Variants in SORBS3 observed in about 807,000 individuals in gnomAD.
The protein encoded by SORBS3 is sorbin and SH3 domain containing 3, also known as vinexin.
In SORBS3, 69 loss-of-function variants were observed where a neutral mutation model predicts 98.0. The ratio of observed to expected loss-of-function variants is 0.70; its 90% confidence interval spans 0.58 to 0.86. The LOEUF (loss-of-function observed/expected upper bound fraction) is 0.86, where lower values mean the gene tolerates loss of function less well. Among genes scored for constraint, SORBS3 ranks in the 40% least tolerant of loss-of-function variants. SORBS3 has a pLI of 0.00. For synonymous variants in SORBS3, 394 were observed against 355.4 expected (o/e 1.11, Z -1.22); for missense variants, 954 against 908.5 (o/e 1.05, Z -0.64).
upstream of SORBS3, chr8:22,551,567 A>T: frequency 5.1e-6 from 1 of 197,778 alleles, no homozygotes; most frequent in Non-Finnish European, 9.1e-6. The surrounding 1 kb of genome is among the most constrained non-coding windows in gnomAD (Gnocchi z 5.8). Context: ...CCCCGACGCC[A>T]GCCCTGCGGT....
chr8:22,557,915 C>T (rs989085770), intron 4 of SORBS3, among the ~76,000 whole-genome samples: 2 of 152,208 alleles, frequency 1.3e-5, no homozygotes, highest in African/African-American at 4.8e-5. Flanking sequence ...ATTGCATACA[C>T]TTCGATGGAG....
rs1254470865 is a variant in SORBS3 at position 22,558,109 on chromosome 8, T to G, written c.415-20T>G. 1.9e-6 allele frequency: 3 copies of G among 1,613,626 alleles called. No homozygotes were observed. Among genetic ancestry groups the G allele is most frequent in the East Asian group, 2.2e-5 (1 of 44,888 alleles). On this transcript the variant is annotated intron_variant, in intron 4 of 20. Transcript: ENST00000240123. ...GGGTGAATAAGCAGGGAGGACTGAC[T>G]TTGCATTTTCTGATCCCAGAGCGTT...
intron 14 of SORBS3, 25 bp downstream of exon 14, chr8:22,566,738 G>A (rs1170872797): frequency 1.2e-6 from 2 of 1,613,388 alleles, no homozygotes; most frequent in Non-Finnish European, 8.5e-7. Context: ...AGGTGTGGGG[G>A]ACCTGGAGTG....
chr8:22,558,502 A>G (rs557298307), intron 5 of SORBS3, among the ~76,000 whole-genome samples: 1 of 152,308 alleles, frequency 6.6e-6, no homozygotes, highest in East Asian at 1.9e-4. Context: ...TGCCACTGTT[A>G]GCGGTCATTC....
chr8:22,562,267 A>G (rs1373138738), intron 7 of SORBS3, among the ~76,000 whole-genome samples: 1 of 152,240 alleles, frequency 6.6e-6, no homozygotes, highest in African/African-American at 2.4e-5. Context: ...TGGGGCGGCC[A>G]GGACAGCCGT....
chr8:22,557,051 G>A, intron 4 of SORBS3, 143 bp downstream of exon 4: 1 of 934,344 alleles, frequency 1.1e-6, no homozygotes, highest in South Asian at 1.6e-5. Context: ...CCGTGGTGGG[G>A]TTCAGCGGCT....
At chr8:22,548,622 G>A (rs1025916771), upstream of SORBS3, among the ~76,000 whole-genome samples, 11 of 152,186 alleles carry the variant, frequency 7.2e-5, no homozygotes, top group Non-Finnish European at 1.2e-4. Flanking sequence ...CAGATGCCCT[G>A]TATCTCCATG....
At chr8:22,561,509 T>C in intron 6 of SORBS3, 136 bp downstream of exon 6, 1 of 911,230 alleles carries the variant, frequency 1.1e-6, no homozygotes, top group Non-Finnish European at 1.7e-6. Flanking sequence ...TTTTTATAGC[T>C]CATTTCCAGA....
chr8:22,564,292 C>T lies in SORBS3; in HGVS notation c.685C>T (p.Arg229Cys), dbSNP rs773083152. The change falls in exon 9 of 21, where the codon CGC becomes TGC. Residue 229 changes from arginine to cysteine, a missense_variant. Coordinates refer to ENST00000240123, the MANE Select transcript of SORBS3 (RefSeq NM_005775.5). Reference sequence around the variant, plus strand: ...ACCCACCTCCACGCAGGTGCTCAGACGCCGGGAAAAAGTAGACAATGTCTG... The same window carrying T: ...ACCCACCTCCACGCAGGTGCTCAGATGCCGGGAAAAAGTAGACAATGTCTG... ...VLQPSNQVLR[R>C]REKVDNVWTE... 2.8e-5 allele frequency: 44 copies of T among 1,598,620 alleles called. No homozygotes were observed. In the Admixed American group the frequency reaches 3.8e-4, roughly 14 times the overall value.
At chr8:22,569,344 CAGT>C in intron 17 of SORBS3, 71 bp downstream of exon 17, 1 of 1,276,598 alleles carries the variant, frequency 7.8e-7, no homozygotes. Context: ...GCACTAAAAA[CAGT>C]TTTTTTTTTT....
intron 16 of SORBS3, among the ~76,000 whole-genome samples, chr8:22,568,841 C>G (rs1176309104): frequency 6.6e-6 from 1 of 152,186 alleles, no homozygotes; most frequent in African/African-American, 2.4e-5. Flanking sequence ...CTTCTGTGGT[C>G]CAACTTAAAC....
intron 20 of SORBS3, among the ~76,000 whole-genome samples, chr8:22,574,163 G>GCTGGGGTTCCCCCCC (rs1005356193): frequency 8.0e-5 from 12 of 150,750 alleles, no homozygotes; most frequent in Non-Finnish European, 4.4e-5. Flanking sequence ...TGCTTTGCCC[G>GCTGGGGTTCCCCCCC]CTGGGGTTCC....
intron 10 of SORBS3, chr8:22,565,004 C>G: frequency 7.2e-7 from 1 of 1,380,004 alleles, no homozygotes. Flanking sequence ...CACAACTTGG[C>G]AGAAACTGGC....
intron 5 of SORBS3, among the ~76,000 whole-genome samples, chr8:22,560,480 C>T (rs760553445): frequency 5.9e-5 from 9 of 152,068 alleles, no homozygotes; most frequent in Admixed American, 2.0e-4. Flanking sequence ...AGGAGGAAAA[C>T]GGAGAGATCT....
chr8:22,572,548 A>G, intron 20 of SORBS3, 102 bp downstream of exon 20: 1 of 907,716 alleles, frequency 1.1e-6, no homozygotes, highest in Non-Finnish European at 1.7e-6. Context: ...ATGGCCGACC[A>G]CCCCCCGACT....
chr8:22,557,078 T>G (rs913801336), intron 4 of SORBS3, among the ~76,000 whole-genome samples, 170 bp downstream of exon 4: 1 of 152,156 alleles, frequency 6.6e-6, no homozygotes, highest in Admixed American at 6.5e-5. Context: ...CTCATAAAGC[T>G]GCAGACACCC....
intron 4 of SORBS3, among the ~76,000 whole-genome samples, chr8:22,557,292 G>A (rs1314646801): frequency 6.6e-6 from 1 of 152,200 alleles, no homozygotes; most frequent in Non-Finnish European, 1.5e-5. Flanking sequence ...AGTGAGTCTT[G>A]TGTGAGAAGG....
rs138529127 is a variant in SORBS3, at chr8:22,554,522, C to T, written c.16C>T (p.Arg6Cys). Residue 6 changes from arginine (R) to cysteine (C), a missense_variant, in exon 2 of 21, where the codon CGC becomes TGC. Transcript: ENST00000240123. The surrounding 1 kb of genome is among the most constrained non-coding windows in gnomAD (Gnocchi z 6.5). The stretch of plus-strand genomic sequence containing the variant: ...TGACCCAAGCATGCAGGGCCCACCC[C>T]GCAGCCTCCGCGCTGGGCTCAGCCT... The part of the protein sequence containing the change: MQGPP[R>C]SLRAGLSLDD... 2.8e-4 allele frequency: 454 copies of T among 1,612,174 alleles called. 2 individuals carry two copies. The Middle Eastern group carries it at 4.5e-3, about 16-fold the overall frequency.
intron 3 of SORBS3, among the ~76,000 whole-genome samples, chr8:22,555,362 C>T (rs1382459245): frequency 6.6e-6 from 1 of 152,154 alleles, no homozygotes; most frequent in East Asian, 1.9e-4. Flanking sequence ...AACAGGCTAC[C>T]CAGCAGGAGG....
Sources: gnomAD v4.1 joint callset for allele counts (sites outside exome capture counted in the v4.1 genomes callset) on GRCh38, gnomAD v4.1.1 for gene constraint, Gnocchi (gnomAD v3.1) non-coding constraint, MANE v1.5 for transcripts, NCBI Gene and HGNC (gene_info 2026-07-23, HGNC 2026-07-21) for gene names.